The following SDK1 variants were observed in gnomAD, a reference collection of about 807,000 sequenced individuals.
SDK1 encodes sidekick cell adhesion molecule 1.
Under a neutral mutation model 245.5 loss-of-function variants are expected in SDK1, and 157 were observed. That is an observed-to-expected ratio of 0.64 (90% CI 0.56 to 0.73). SDK1 has a LOEUF of 0.73. Among genes scored for constraint, SDK1 ranks in the 30% least tolerant of loss-of-function variants. SDK1 has a pLI of 0.00. For missense variants in SDK1, 3,583 were observed against 3,002.3 expected (o/e 1.19, Z -4.52); for synonymous variants, 1,647 against 1,278.5 (o/e 1.29, Z -6.15).
At chr7:3,878,497 A>G (rs1781126363) in intron 5 of SDK1, among the ~76,000 whole-genome samples, 2 of 152,218 alleles carry the variant, frequency 1.3e-5, no homozygotes, top group African/African-American at 2.4e-5. Context: ...AGCCTGGGTG[A>G]CAGAGCAAGA....
intron 1 of SDK1, among the ~76,000 whole-genome samples, chr7:3,579,750 G>T (rs575092908): frequency 6.6e-6 from 1 of 152,248 alleles, no homozygotes; most frequent in South Asian, 2.1e-4. Flanking sequence ...AAGCAGTGTT[G>T]CAATTCCCCA....
chr7:3,385,442 T>C (rs1464938001), intron 1 of SDK1, among the ~76,000 whole-genome samples: 2 of 152,180 alleles, frequency 1.3e-5, no homozygotes, highest in African/African-American at 4.8e-5. Context: ...AAAATATATT[T>C]TTTTACTGTT....
intron 1 of SDK1, among the ~76,000 whole-genome samples, chr7:3,585,768 G>T (rs969717182): frequency 6.6e-6 from 1 of 152,156 alleles, no homozygotes; most frequent in African/African-American, 2.4e-5. Context: ...GATGAAACGG[G>T]GGAGAAATCT....
intron 4 of SDK1, among the ~76,000 whole-genome samples, chr7:3,784,886 T>C (rs1167181642): frequency 2.0e-5 from 3 of 152,182 alleles, no homozygotes; most frequent in Non-Finnish European, 4.4e-5. Context: ...ATCAGTGTGT[T>C]GAAGACGTGT....
chr7:4,187,741 G>C (rs606175), intron 35 of SDK1, among the ~76,000 whole-genome samples: 1 of 152,220 alleles, frequency 6.6e-6, no homozygotes, highest in African/African-American at 2.4e-5. Flanking sequence ...TGGGGTTCTG[G>C]GAAGGGAACA....
intron 1 of SDK1, among the ~76,000 whole-genome samples, chr7:3,307,316 G>A (rs1466285436): frequency 9.2e-5 from 14 of 152,032 alleles, no homozygotes; most frequent in Non-Finnish European, 1.0e-4. Flanking sequence ...CAGCAAATAT[G>A]GCACCTCCTG....
rs1781858829 is a variant in SDK1, at chr7:3,619,154, A to C, written c.373A>C (p.Thr125Pro). ...CCTGGAAGGGAACCGCCTTGTTCTC[A>C]CCTGCCTTGCCGAAGGGAGCTGGCC... ...IHLEGNRLVLTCLAEGSWPLE... is the reference protein window; with the variant it reads ...IHLEGNRLVLPCLAEGSWPLE... Residue 125 changes from threonine (T) to proline (P), a missense_variant, in exon 2 of 45, where the codon ACC (threonine) becomes CCC (proline). Coordinates refer to ENST00000404826, the MANE Select transcript of SDK1 (RefSeq NM_152744.4). The C allele has an allele frequency of 1.9e-6, 3 of 1,614,076 alleles. No homozygotes were observed. The highest frequency in any genetic ancestry group is 2.5e-6 in the Non-Finnish European group (3 of 1,179,952).
At chr7:4,001,985 C>A (rs1785110837) in intron 14 of SDK1, among the ~76,000 whole-genome samples, 4 of 152,208 alleles carry the variant, frequency 2.6e-5, no homozygotes, top group Admixed American at 2.6e-4. Context: ...ATCTGGGGGC[C>A]CTCGCAGTCC....
rs1024997851 is a variant in SDK1 at position 4,020,846 on chromosome 7, G to A, written c.2602+3494G>A. ...TTGTGAAACTGTGGCATTTACACCT[G>A]TCCTGACTCAAAGGGCACTGTGAAG... On this transcript the variant is annotated intron_variant, in intron 17 of 44. Coordinates refer to ENST00000404826, the MANE Select transcript of SDK1 (RefSeq NM_152744.4). 2.0e-5 allele frequency among the ~76,000 whole-genome samples: 3 copies of A among 152,332 alleles called. No individual in the cohort carries two copies. The East Asian group carries it at 5.8e-4, about 29-fold the overall frequency.
chr7:3,911,283 G>A (rs773845758), intron 5 of SDK1, among the ~76,000 whole-genome samples: 2 of 152,148 alleles, frequency 1.3e-5, no homozygotes, highest in Non-Finnish European at 2.9e-5. Context: ...CCCACTTTAG[G>A]AAGGGGCAGC....
chr7:4,008,768 AGATT>A (rs2128147976), intron 14 of SDK1, among the ~76,000 whole-genome samples: 1 of 152,350 alleles, frequency 6.6e-6, no homozygotes, highest in Admixed American at 6.5e-5. Context: ...AAAGAATAAA[AGATT>A]GATTGGGTTC....
chr7:3,589,949 A>G (rs564516854), intron 1 of SDK1, among the ~76,000 whole-genome samples: 1 of 152,214 alleles, frequency 6.6e-6, no homozygotes, highest in South Asian at 2.1e-4. Context: ...TGTGCTGTGC[A>G]TGTCACAGCC....
At chr7:3,374,616 A>G (rs1781308930) in intron 1 of SDK1, among the ~76,000 whole-genome samples, 1 of 151,966 alleles carries the variant, frequency 6.6e-6, no homozygotes, top group Non-Finnish European at 1.5e-5. Flanking sequence ...TGCTTTGAAT[A>G]AGGTACGTTT....
At chr7:3,428,718 A>G (rs1779745990) in intron 1 of SDK1, among the ~76,000 whole-genome samples, 1 of 152,234 alleles carries the variant, frequency 6.6e-6, no homozygotes. Flanking sequence ...ACTCAAAGCT[A>G]GCAACATACC....
chr7:3,486,929 T>A (rs536740110), intron 1 of SDK1, among the ~76,000 whole-genome samples: 2 of 152,336 alleles, frequency 1.3e-5, no homozygotes, highest in South Asian at 4.1e-4. Context: ...AAACTATTAT[T>A]ACATGTGTAA....
chr7:3,680,589 A>C (rs528103185), intron 4 of SDK1, among the ~76,000 whole-genome samples: 2 of 152,212 alleles, frequency 1.3e-5, no homozygotes, highest in African/African-American at 4.8e-5. Flanking sequence ...TGAAGAGTAC[A>C]TAAGACCTTT....
At chr7:3,331,429 C>T (rs565703393) in intron 1 of SDK1, among the ~76,000 whole-genome samples, 2 of 152,256 alleles carry the variant, frequency 1.3e-5, no homozygotes, top group African/African-American at 2.4e-5. Flanking sequence ...TGCGTATTGT[C>T]CATTTGCATA....
intron 22 of SDK1, among the ~76,000 whole-genome samples, chr7:4,109,414 C>A (rs955968501): frequency 1.3e-5 from 2 of 152,234 alleles, no homozygotes; most frequent in East Asian, 3.8e-4. Flanking sequence ...TAGCCACCCA[C>A]CACCTTGGTT....
chr7:4,184,129 T>C (rs1014490060), intron 35 of SDK1, among the ~76,000 whole-genome samples: 4 of 152,220 alleles, frequency 2.6e-5, no homozygotes, highest in African/African-American at 9.7e-5. Context: ...TGCTAACGTA[T>C]TGACTTAGAG....
Sources: gnomAD v4.1 joint callset for allele counts (sites outside exome capture counted in the v4.1 genomes callset) on GRCh38, gnomAD v4.1.1 for gene constraint, MANE v1.5 for transcripts, NCBI Gene and HGNC (gene_info 2026-07-23, HGNC 2026-07-21) for gene names.